Variants in CCSER1 observed in about 807,000 individuals in gnomAD.
CCSER1 encodes coiled-coil serine rich protein 1, also known as serine-rich coiled-coil domain-containing protein 1.
A neutral mutation model predicts 82.0 loss-of-function variants in CCSER1; 41 were observed. The ratio of observed to expected loss-of-function variants is 0.50; its 90% CI spans 0.39 to 0.65. The LOEUF is 0.65. Among genes scored for constraint, CCSER1 ranks in the 30% least tolerant of loss-of-function variants. The pLI, the probability that CCSER1 is intolerant of heterozygous loss-of-function variation, is 0.00. For synonymous variants in CCSER1, 414 were observed against 383.9 expected (o/e 1.08, Z -0.92); for missense variants, 1,119 against 1,064.2 (o/e 1.05, Z -0.72).
intron 10 of CCSER1, among the ~76,000 whole-genome samples, chr4:91,127,489 G>T (rs1727619746): frequency 6.6e-6 from 1 of 152,004 alleles, no homozygotes; most frequent in Admixed American, 6.6e-5. Context: ...ACAGCAAAGT[G>T]TTGCAGGCAC....
At chr4:91,202,787 ATG>A (rs201354577) in intron 10 of CCSER1, among the ~76,000 whole-genome samples, 8 of 136,544 alleles carry the variant, frequency 5.9e-5, no homozygotes, top group South Asian at 4.4e-4. Flanking sequence ...GTGCATATAT[ATG>A]TGTGTGTGTA....
intron 5 of CCSER1, among the ~76,000 whole-genome samples, chr4:90,620,832 C>T (rs76271741): frequency 0.028 from 4,195 of 151,956 alleles, 184 homozygotes; most frequent in African/African-American, 0.096. Flanking sequence ...TTTTTTTAAA[C>T]GGAGTCTCAC....
intron 3 of CCSER1, among the ~76,000 whole-genome samples, chr4:90,386,859 C>T (rs1477666225): frequency 2.0e-5 from 3 of 152,112 alleles, no homozygotes; most frequent in South Asian, 2.1e-4. Context: ...AAGACATTCT[C>T]GGCCCACCTA....
intron 1 of CCSER1, among the ~76,000 whole-genome samples, chr4:90,202,765 G>A (rs1001581139): frequency 6.6e-6 from 1 of 152,268 alleles, no homozygotes; most frequent in Admixed American, 6.5e-5. Context: ...TCACATTTAG[G>A]TGATGAGATT....
At chr4:90,146,046 C>T (rs998905517) in intron 1 of CCSER1, among the ~76,000 whole-genome samples, 27 of 151,906 alleles carry the variant, frequency 1.8e-4, no homozygotes, top group African/African-American at 6.5e-4. Context: ...CTTACCTTCC[C>T]AAGACTTAAA....
chr4:90,339,075 CA>C (rs1740915107), intron 3 of CCSER1, among the ~76,000 whole-genome samples: 1 of 151,974 alleles, frequency 6.6e-6, no homozygotes. Flanking sequence ...ATAGCGTTTA[CA>C]AGATGATTTT....
intron 1 of CCSER1, among the ~76,000 whole-genome samples, chr4:90,252,821 TCTA>T (rs1458736012): frequency 6.6e-6 from 1 of 152,004 alleles, no homozygotes; most frequent in Non-Finnish European, 1.5e-5. Context: ...TGTGTCTATT[TCTA>T]CTAACTTTTA....
At chr4:90,481,949 C>T (rs1766063556) in intron 5 of CCSER1, among the ~76,000 whole-genome samples, 1 of 152,154 alleles carries the variant, frequency 6.6e-6, no homozygotes, top group Non-Finnish European at 1.5e-5. Flanking sequence ...AGGAATGGTA[C>T]CAGCTGCTCC....
chr4:91,160,284 C>G (rs1367063143), intron 10 of CCSER1, among the ~76,000 whole-genome samples: 1 of 152,124 alleles, frequency 6.6e-6, no homozygotes, highest in Non-Finnish European at 1.5e-5. Context: ...TTTTCTTAAT[C>G]CAGTCTGTAA....
intron 4 of CCSER1, among the ~76,000 whole-genome samples, chr4:90,430,702 G>A (rs1254199862): frequency 6.6e-6 from 1 of 151,414 alleles, no homozygotes; most frequent in African/African-American, 2.4e-5. Flanking sequence ...AAAATATGTG[G>A]GTTCTGCTAG....
chr4:91,027,899 A>G (rs1046248091), intron 9 of CCSER1, among the ~76,000 whole-genome samples: 1 of 152,094 alleles, frequency 6.6e-6, no homozygotes, highest in African/African-American at 2.4e-5. Flanking sequence ...TAGCTTGAAT[A>G]CATTCTGTCC....
chr4:90,290,032 G>T (rs1051813935), intron 1 of CCSER1, among the ~76,000 whole-genome samples: 1 of 151,570 alleles, frequency 6.6e-6, no homozygotes, highest in African/African-American at 2.4e-5. Flanking sequence ...TATTTTTAGG[G>T]TACATGTGAT....
intron 8 of CCSER1, among the ~76,000 whole-genome samples, chr4:90,885,911 T>G (rs549135635): frequency 6.2e-4 from 94 of 152,084 alleles, no homozygotes; most frequent in Non-Finnish European, 1.2e-3. Flanking sequence ...CTTTTGCTCA[T>G]TTTTTTTCTC....
chr4:90,658,966 T>C (rs909594887), intron 6 of CCSER1, among the ~76,000 whole-genome samples: 3 of 152,088 alleles, frequency 2.0e-5, no homozygotes, highest in Admixed American at 6.6e-5. Flanking sequence ...TACACACACA[T>C]GTGATATTTT....
At chr4:90,527,274 A>T (rs1439883930) in intron 5 of CCSER1, among the ~76,000 whole-genome samples, 1 of 152,194 alleles carries the variant, frequency 6.6e-6, no homozygotes, top group African/African-American at 2.4e-5. Context: ...CCCATCAAAA[A>T]ATGGGCAAAG....
At chr4:90,228,039 C>T (rs1743574218) in intron 1 of CCSER1, among the ~76,000 whole-genome samples, 2 of 152,200 alleles carry the variant, frequency 1.3e-5, no homozygotes, top group South Asian at 2.1e-4. Context: ...GGCAGCGAGG[C>T]TTGGGGAGGG....
chr4:91,515,311 G>A (rs142133596), intron 10 of CCSER1, among the ~76,000 whole-genome samples: 4 of 152,150 alleles, frequency 2.6e-5, no homozygotes, highest in African/African-American at 9.6e-5. Context: ...ACGCAGGTAT[G>A]AGGCATAGTA....
intron 10 of CCSER1, among the ~76,000 whole-genome samples, chr4:91,252,143 T>G (rs938208493): frequency 1.3e-5 from 2 of 152,098 alleles, no homozygotes; most frequent in Non-Finnish European, 2.9e-5. Flanking sequence ...CTCATCAGAA[T>G]CTTTGGGAGA....
chr4:90,607,473 TTCTGAGGGCTGCC>T (rs1016575814), intron 5 of CCSER1, among the ~76,000 whole-genome samples: 1 of 152,176 alleles, frequency 6.6e-6, no homozygotes, highest in Non-Finnish European at 1.5e-5. Flanking sequence ...AGCTGGTTCC[TTCTGAGGGCTGCC>T]TCTCCCCTAG....
Sources: gnomAD v4.1 joint callset for allele counts (sites outside exome capture counted in the v4.1 genomes callset) on GRCh38, gnomAD v4.1.1 for gene constraint, MANE v1.5 for transcripts, NCBI Gene and HGNC (gene_info 2026-07-23, HGNC 2026-07-21) for gene names.